Variants in CHTF8 observed in about 807,000 individuals in gnomAD.
The protein encoded by CHTF8 is chromosome transmission fidelity factor 8, also known as chromosome transmission fidelity protein 8 homolog.
CHTF8 carries 6 observed loss-of-function variants against 11.0 expected under a neutral mutation model. The observed-to-expected ratio is 0.55, with a 90% CI of 0.30 to 1.08. The LOEUF (loss-of-function observed/expected upper bound fraction) is 1.08. CHTF8 is among the 50% of genes least tolerant of loss of function. The pLI is 0.07. For missense variants in CHTF8, 140 were observed against 153.1 expected (o/e 0.91, Z 0.45); for synonymous variants, 53 against 60.5 (o/e 0.88, Z 0.57).
intron 2 of CHTF8, 32 bp downstream of exon 2, chr16:69,121,404 A>T (rs1203048522): frequency 9.4e-6 from 15 of 1,589,808 alleles, no homozygotes; most frequent in Non-Finnish European, 1.2e-5. Flanking sequence ...CATCATTTCA[A>T]GCCAAATTTT....
At position 69,120,865 on chromosome 16, in the gene CHTF8, T is replaced by C. The variant is rs1250254379; in HGVS notation, c.141+188A>G. 1 of 753,372 alleles carries C rather than the reference T, an allele frequency of 1.3e-6. No individual in the cohort carries two copies. The highest frequency in any genetic ancestry group is 2.4e-6 in the Non-Finnish European group (1 of 422,492). The allele number at this position is 753,372 out of a possible 1,614,324, so 46.7% of individuals were successfully genotyped here. A position where few individuals can be genotyped will look rare whatever the true frequency, so the allele number is the denominator to read the frequency against. Reference sequence around the variant, plus strand: ...TTTCCACTTTCAGAAATGTGAGCTTTCCAGATTCCCCAAAATTAAATTTCC... The same window carrying C: ...TTTCCACTTTCAGAAATGTGAGCTTCCCAGATTCCCCAAAATTAAATTTCC... On this transcript the variant is annotated intron_variant, in intron 3 of 3. Coordinates refer to ENST00000448552, the MANE Select transcript of CHTF8 (RefSeq NM_001039690.5). This position sits in a 1 kb window ranked among gnomAD's most constrained non-coding sequence, Gnocchi z 4.0.
rs114487285 is a variant in CHTF8, at chr16:69,128,712, A to T, written c.-36+3772T>A. 7.6e-3 allele frequency among the ~76,000 whole-genome samples: 1,161 copies of T among 152,262 alleles called. 17 individuals are homozygous for T. Among genetic ancestry groups the T allele is most frequent in the African/African-American group, 0.025 (1,045 of 41,538 alleles). On this transcript the variant is annotated intron_variant, in intron 1 of 3. Transcript: ENST00000448552. ...TTTGGCTGTAATCAGACCACTCTAG[A>T]ATATACCTTATTTAACCAGCATTTG... is the stretch of plus-strand genomic sequence containing the variant.
chr16:69,125,816 C>A (rs1005892165), intron 1 of CHTF8, among the ~76,000 whole-genome samples: 3 of 152,196 alleles, frequency 2.0e-5, no homozygotes, highest in African/African-American at 7.2e-5. Flanking sequence ...TAAGTGTGGA[C>A]CTCTTTACTG....
rs1285648416 is a variant in CHTF8 at position 69,119,027 on chromosome 16, T to C, written c.*1398A>G. ...GCTGGGTTGAGACCCAGGGTCCCAG[T>C]TGGCCTTGTGAAAGGAGCTGGGTTG... On this transcript the variant is annotated 3_prime_UTR_variant, in exon 4 of 4. Transcript: ENST00000448552. 5.7e-6 allele frequency: 4 copies of C among 703,068 alleles called. No individual in the cohort carries two copies. The Admixed American group carries it at 6.0e-5, about 11-fold the overall frequency. The allele number at this position is 703,068 out of a possible 1,614,324, so 43.6% of individuals were successfully genotyped here.
At chr16:69,127,039 G>T (rs1962110485) in intron 1 of CHTF8, among the ~76,000 whole-genome samples, 1 of 152,082 alleles carries the variant, frequency 6.6e-6, no homozygotes, top group Non-Finnish European at 1.5e-5. Context: ...CTGAAGTCAG[G>T]AGTTTGAGGC....
Position 69,119,919 on chromosome 16 carries a change from G to A in CHTF8, c.*506C>T. On this transcript the variant is annotated 3_prime_UTR_variant, in exon 4 of 4. Coordinates refer to ENST00000448552, the MANE Select transcript of CHTF8 (RefSeq NM_001039690.5). ...GGCCCATGGGACCACCACCTCTGGG[G>A]TCAGGACCTGCTCCCAGGAGACCAC... is the stretch of plus-strand genomic sequence containing the variant. The A allele has an allele frequency of 1.4e-6, 1 of 702,600 alleles. No homozygotes were observed. The highest frequency in any genetic ancestry group is 2.7e-5 in the East Asian group (1 of 37,272). The allele number at this position is 702,600 out of a possible 1,614,324, so 43.5% of individuals were successfully genotyped here.
At position 69,119,040 on chromosome 16, in the gene CHTF8, A is replaced by G; in HGVS notation, c.*1385T>C. ...CCAGGGTCCCAGTTGGCCTTGTGAA[A>G]GGAGCTGGGTTGATACCCACAGGGC... On this transcript the variant is annotated 3_prime_UTR_variant, in exon 4 of 4. Coordinates refer to ENST00000448552, the MANE Select transcript of CHTF8 (RefSeq NM_001039690.5). 1.4e-6 allele frequency: 1 copy of G among 703,072 alleles called. No individual in the cohort carries two copies. Among genetic ancestry groups the G allele is most frequent in the Non-Finnish European group, 2.6e-6 (1 of 385,020 alleles). The allele number at this position is 703,072 out of a possible 1,614,324, so 43.6% of individuals were successfully genotyped here.
In CHTF8 at chr16:69,118,587, T is replaced by C. The variant is rs1961352221; in HGVS notation, c.*1838A>G. On this transcript the variant is annotated 3_prime_UTR_variant, in exon 4 of 4. Transcript: ENST00000448552. Reference sequence around the variant, plus strand: ...GTAAGAAACAATGGGCAGAAAGCTGTGGGACGAAAGCACAGCAGGCTTCTG... The same window carrying C: ...GTAAGAAACAATGGGCAGAAAGCTGCGGGACGAAAGCACAGCAGGCTTCTG... 1.4e-6 allele frequency: 1 copy of C among 733,886 alleles called. No homozygotes were observed. Among genetic ancestry groups the C allele is most frequent in the Middle Eastern group, 3.1e-4 (1 of 3,202 alleles). The allele number at this position is 733,886 out of a possible 1,614,324, so 45.5% of individuals were successfully genotyped here.
intron 1 of CHTF8, among the ~76,000 whole-genome samples, chr16:69,122,431 G>T (rs1455846576): frequency 6.6e-6 from 1 of 150,696 alleles, no homozygotes; most frequent in Non-Finnish European, 1.5e-5. Flanking sequence ...GGAGCGCAGT[G>T]GCGCCATCTC....
intron 1 of CHTF8, among the ~76,000 whole-genome samples, chr16:69,126,978 G>A (rs1365959992): frequency 6.6e-6 from 1 of 152,112 alleles, no homozygotes; most frequent in Non-Finnish European, 1.5e-5. Flanking sequence ...CGGGCGCGGT[G>A]GCTCATGCCT....
intron 1 of CHTF8, among the ~76,000 whole-genome samples, chr16:69,123,727 T>C (rs2152268772): frequency 6.6e-6 from 1 of 152,276 alleles, no homozygotes; most frequent in Non-Finnish European, 1.5e-5. Context: ...AGCTGACTTC[T>C]GATGTGATTC....
At chr16:69,123,191 G>A (rs1318555188) in intron 1 of CHTF8, among the ~76,000 whole-genome samples, 1 of 152,080 alleles carries the variant, frequency 6.6e-6, no homozygotes. Flanking sequence ...CAAAGTGTTG[G>A]GATTACAGAT....
At position 69,127,754 on chromosome 16, in the gene CHTF8, C is replaced by T. The variant is rs1406604027; in HGVS notation, c.-36+4730G>A. On this transcript the variant is annotated intron_variant, in intron 1 of 3. Coordinates refer to ENST00000448552, the MANE Select transcript of CHTF8 (RefSeq NM_001039690.5). ...CCTCCCAAGTAGCTGGGACTACAGG[C>T]GCCCGCCACCACACCCGGCAACTTT... 5.3e-5 allele frequency among the ~76,000 whole-genome samples: 8 copies of T among 151,312 alleles called. No homozygotes were observed. In the East Asian group the frequency reaches 7.8e-4, roughly 15 times the overall value.
Position 69,118,034 on chromosome 16 carries a change from A to C in CHTF8, c.*2391T>G. ...AGCCCTCTCATCCCATTTATTAAAGAAACAGTAAGAAAAGATACAATGCAG... is the reference window on the plus strand; with the variant it reads ...AGCCCTCTCATCCCATTTATTAAAGCAACAGTAAGAAAAGATACAATGCAG... On this transcript the variant is annotated 3_prime_UTR_variant, in exon 4 of 4. Transcript: ENST00000448552. The C allele has an allele frequency of 2.7e-6, 1 of 377,132 alleles. No homozygotes were observed. The highest frequency in any genetic ancestry group is 4.9e-6 in the Non-Finnish European group (1 of 204,436). The allele number at this position is 377,132 out of a possible 1,614,324, so 23.4% of individuals were successfully genotyped here.
In CHTF8 at chr16:69,128,666, C is replaced by T. The variant is rs374100151; in HGVS notation, c.-36+3818G>A. Among the ~76,000 whole-genome samples, 10 of 152,340 alleles carry T rather than the reference C, an allele frequency of 6.6e-5. 1 individual carries two copies. The highest frequency in any genetic ancestry group is 2.2e-4 in the African/African-American group (9 of 41,578). On this transcript the variant is annotated intron_variant, in intron 1 of 3. Transcript: ENST00000448552. ...AATCAATCCTGACCCACAATGGGAA[C>T]CCTACCCAAAACTAAAAAGCTTTGG...
chr16:69,119,699 C>T lies in CHTF8; in HGVS notation c.*726G>A. ...CTGGCATCTAGATTAGGGCCTGGGC[C>T]CAGGCCACTTGGTCTTGGGTTGGGC... On this transcript the variant is annotated 3_prime_UTR_variant, in exon 4 of 4. Coordinates refer to ENST00000448552, the MANE Select transcript of CHTF8 (RefSeq NM_001039690.5). 1 of 679,564 alleles carries T rather than the reference C, an allele frequency of 1.5e-6. No individual in the cohort carries two copies. The highest frequency in any genetic ancestry group is 2.7e-5 in the East Asian group (1 of 36,892). 42.1% of individuals were successfully genotyped at this position (679,564 alleles called of 1,614,324 possible).
At chr16:69,132,291 G>A (rs953145810) in intron 1 of CHTF8, 193 bp downstream of exon 1, 2 of 28,394 alleles carry the variant, frequency 7.0e-5, no homozygotes, top group Admixed American at 8.5e-4. Context: ...CCGCCCTCCC[G>A]CCGCCCTCCC....
rs1328998354 is a variant in CHTF8, at chr16:69,118,717, A to G, written c.*1708T>C. Reference sequence around the variant, plus strand: ...TTCAGTCAAGAAAAACGCAAAGGAAAAAGATGGCTCATTTGAACTTGAGCC... The same window carrying G: ...TTCAGTCAAGAAAAACGCAAAGGAAGAAGATGGCTCATTTGAACTTGAGCC... On this transcript the variant is annotated 3_prime_UTR_variant, in exon 4 of 4. Transcript: ENST00000448552. 3.1e-6 allele frequency: 2 copies of G among 646,264 alleles called. No individual in the cohort carries two copies. The highest frequency in any genetic ancestry group is 5.6e-6 in the Non-Finnish European group (2 of 360,194). The allele number at this position is 646,264 out of a possible 1,614,324, so 40.0% of individuals were successfully genotyped here. A position where few individuals can be genotyped will look rare whatever the true frequency, so the allele number is the denominator to read the frequency against.
chr16:69,121,552 A>G (rs1480599999), intron 1 of CHTF8, 59 bp from the exon 2 acceptor site: 1 of 1,041,574 alleles, frequency 9.6e-7, no homozygotes, highest in Non-Finnish European at 1.4e-6. Flanking sequence ...AATGACACCT[A>G]ATGCAACCTC....
Sources: gnomAD v4.1 joint callset for allele counts (sites outside exome capture counted in the v4.1 genomes callset) on GRCh38, gnomAD v4.1.1 for gene constraint, Gnocchi (gnomAD v3.1) non-coding constraint, MANE v1.5 for transcripts, NCBI Gene and HGNC (gene_info 2026-07-23, HGNC 2026-07-21) for gene names.